VDR: variants seen among roughly 807,000 people sequenced by gnomAD.
VDR encodes the protein vitamin D receptor.
In VDR, 19 loss-of-function variants were observed where a neutral mutation model predicts 39.7. The observed-to-expected ratio is 0.48, with a 90% CI of 0.33 to 0.70. The LOEUF is 0.70. Ranked by LOEUF, VDR falls within the 30% of genes least tolerant of loss-of-function variation. VDR has a pLI of 0.02. For synonymous variants in VDR, 242 were observed against 215.8 expected (o/e 1.12, Z -1.07); for missense variants, 442 against 570.5 (o/e 0.77, Z 2.29).
intron 3 of VDR, among the ~76,000 whole-genome samples, chr12:47,868,122 T>C (rs950650097): frequency 4.6e-5 from 7 of 152,216 alleles, no homozygotes; most frequent in African/African-American, 1.7e-4. Context: ...TCTGGAAGTC[T>C]TAGGGATCTA....
chr12:47,887,227 C>A (rs187861971), intron 1 of VDR, among the ~76,000 whole-genome samples: 2 of 140,464 alleles, frequency 1.4e-5, no homozygotes, highest in African/African-American at 5.3e-5. Context: ...GAGGCTGAGG[C>A]GGGAGAATCT....
Position 47,857,185 on chromosome 12 carries a change from G to T in VDR, c.527C>A (p.Pro176His). ...GGAGGAGGAGTCCCCAGAGAAGCTG[G>T]GAGTGTGTCTGGAGTTGGGCCTGGA... ...HPSRPNSRHT[P>H]SFSGDSSSSC... The change falls in exon 6 of 10, where the codon CCC becomes CAC. Residue 176 changes from proline to histidine, a missense_variant. Around this residue, in one of 5 missense-constraint regions of VDR, gnomAD observed 77 missense variants for 67.4 expected, o/e 1.14. Coordinates refer to ENST00000549336, the MANE Select transcript of VDR (RefSeq NM_000376.3). 6.2e-7 allele frequency: 1 copy of T among 1,614,174 alleles called. No individual in the cohort carries two copies. The highest frequency in any genetic ancestry group is 8.5e-7 in the Non-Finnish European group (1 of 1,180,030).
Position 47,842,362 on chromosome 12 carries a change from C to G in VDR, c.*2384G>C, listed in dbSNP as rs889555901. The G allele has an allele frequency of 4.6e-5, 7 of 152,348 alleles. No individual in the cohort carries two copies. Among genetic ancestry groups the G allele is most frequent in the African/African-American group, 1.7e-4 (7 of 41,444 alleles). 9.4% of individuals were successfully genotyped at this position (152,348 alleles called of 1,614,324 possible). On this transcript the variant is annotated 3_prime_UTR_variant, in exon 10 of 10. Transcript: ENST00000549336. The stretch of plus-strand genomic sequence containing the variant: ...CTCTTTCTGAAATCCAGGGCTTCCC[C>G]CAGGGACTGGGTCAGCCACCTGGGG...
At chr12:47,853,658 G>A (rs1403762882) in intron 7 of VDR, among the ~76,000 whole-genome samples, 1 of 152,146 alleles carries the variant, frequency 6.6e-6, no homozygotes, top group East Asian at 1.9e-4. Context: ...AGGAGGCTGA[G>A]GCAGGAGAAT....
intron 6 of VDR, 130 bp from the exon 7 acceptor site, chr12:47,855,931 G>T: frequency 3.8e-6 from 4 of 1,065,392 alleles, no homozygotes; most frequent in Admixed American, 1.9e-5. Context: ...TGACTCCACA[G>T]GTCACCCTTC....
intron 1 of VDR, among the ~76,000 whole-genome samples, chr12:47,890,862 A>G (rs917042647): frequency 2.5e-4 from 38 of 152,216 alleles, no homozygotes; most frequent in African/African-American, 9.1e-4. Context: ...AGATGTGGTC[A>G]GTGTGACATG....
At chr12:47,847,398 T>C (rs1456347501) in intron 7 of VDR, among the ~76,000 whole-genome samples, 1 of 152,132 alleles carries the variant, frequency 6.6e-6, no homozygotes, top group Admixed American at 6.6e-5. Flanking sequence ...TGCAGGTCAA[T>C]GTCCTCTTGC....
Position 47,858,039 on chromosome 12 carries a change from C to T in VDR, c.278-351G>A, listed in dbSNP as rs1945530000. 2.0e-5 allele frequency among the ~76,000 whole-genome samples: 3 copies of T among 151,706 alleles called. No homozygotes were observed. The South Asian group carries it at 6.2e-4, about 32-fold the overall frequency. ...AGAGATTTGGACCATGTAAGTTCTT[C>T]CAAGGTTCCTTTCTTGTACCTTCCT... On this transcript the variant is annotated intron_variant, in intron 4 of 9. Coordinates refer to ENST00000549336, the MANE Select transcript of VDR (RefSeq NM_000376.3).
At chr12:47,860,554 C>T (rs575385145) in intron 4 of VDR, among the ~76,000 whole-genome samples, 20 of 152,314 alleles carry the variant, frequency 1.3e-4, no homozygotes, top group South Asian at 4.2e-4. Flanking sequence ...AACCTTGTAA[C>T]GGAACACTTT....
chr12:47,884,041 C>T (rs562663346), intron 1 of VDR, among the ~76,000 whole-genome samples: 2 of 152,358 alleles, frequency 1.3e-5, no homozygotes, highest in South Asian at 4.1e-4. Flanking sequence ...GCCCCCTCTG[C>T]TCCTACTGCC....
chr12:47,904,689 A>C, intron 1 of VDR: 1 of 1,504,416 alleles, frequency 6.6e-7, no homozygotes, highest in Non-Finnish European at 8.9e-7. Context: ...AGTGCTAAGC[A>C]CTGTGTTAGC....
chr12:47,854,687 T>C (rs115527902), intron 7 of VDR, among the ~76,000 whole-genome samples: 122 of 152,354 alleles, frequency 8.0e-4, no homozygotes, highest in African/African-American at 2.6e-3. Context: ...TCTGACATGC[T>C]GGCTCCAACA....
At chr12:47,865,879 A>AT (rs1041605668) in intron 3 of VDR, among the ~76,000 whole-genome samples, 21 of 149,186 alleles carry the variant, frequency 1.4e-4, no homozygotes, top group Admixed American at 6.7e-4. Context: ...CTCCTGGCTA[A>AT]TTTTTTTTTG....
intron 3 of VDR, among the ~76,000 whole-genome samples, chr12:47,868,621 A>T (rs1204364692): frequency 6.6e-6 from 1 of 152,198 alleles, no homozygotes; most frequent in African/African-American, 2.4e-5. Flanking sequence ...ATGTTCCAGG[A>T]CATGAGATTG....
At chr12:47,892,372 C>T (rs1946386894) in intron 1 of VDR, among the ~76,000 whole-genome samples, 1 of 152,230 alleles carries the variant, frequency 6.6e-6, no homozygotes, top group South Asian at 2.1e-4. Flanking sequence ...AGGGCAGCAG[C>T]AGTCACCCCA....
chr12:47,856,386 G>A (rs1012520092), intron 6 of VDR, among the ~76,000 whole-genome samples: 2 of 152,090 alleles, frequency 1.3e-5, no homozygotes, highest in African/African-American at 4.8e-5. Flanking sequence ...TCCGATAAGT[G>A]TAAATATTTG....
chr12:47,871,699 A>G (rs1945883845), intron 3 of VDR, among the ~76,000 whole-genome samples: 1 of 152,142 alleles, frequency 6.6e-6, no homozygotes, highest in African/African-American at 2.4e-5. Flanking sequence ...TCCTGACCTC[A>G]AATGATCCAC....
At chr12:47,895,108 C>T (rs775634135) in intron 1 of VDR, among the ~76,000 whole-genome samples, 1 of 152,226 alleles carries the variant, frequency 6.6e-6, no homozygotes, top group Non-Finnish European at 1.5e-5. Context: ...TAAAATTACA[C>T]TCTATAAAAA....
At chr12:47,897,235 A>C (rs1368421546) in intron 1 of VDR, among the ~76,000 whole-genome samples, 2 of 152,252 alleles carry the variant, frequency 1.3e-5, no homozygotes, top group Non-Finnish European at 2.9e-5. Context: ...AAAATGCATG[A>C]AAAGCACTGA....
Sources: gnomAD v4.1 joint callset for allele counts (sites outside exome capture counted in the v4.1 genomes callset) on GRCh38, gnomAD v4.1.1 for gene constraint, gnomAD v4.1.1 regional missense constraint, MANE v1.5 for transcripts, NCBI Gene and HGNC (gene_info 2026-07-23, HGNC 2026-07-21) for gene names.